GFRA1: variants seen among roughly 807,000 people sequenced by gnomAD.
GFRA1 encodes the protein GDNF family receptor alpha 1.
GFRA1 carries 16 observed loss-of-function variants against 51.6 expected under a neutral mutation model. That is an observed-to-expected ratio of 0.31 (90% CI 0.21 to 0.47). The LOEUF is 0.47. GFRA1 is among the 20% of genes least tolerant of loss of function. GFRA1 has a pLI of 1.00. For synonymous variants in GFRA1, 270 were observed against 241.3 expected (o/e 1.12, Z -1.10); for missense variants, 530 against 594.3 (o/e 0.89, Z 1.13).
At position 116,272,184 on chromosome 10, in the gene GFRA1, G is replaced by T; in HGVS notation, c.-155C>A. The T allele has an allele frequency of 1.4e-6, 1 of 723,404 alleles. No homozygotes were observed. The allele number at this position is 723,404 out of a possible 1,614,324, so 44.8% of individuals were successfully genotyped here. On this transcript the variant is annotated 5_prime_UTR_variant, in exon 2 of 11. Transcript: ENST00000355422. This position sits in a 1 kb window ranked among gnomAD's most constrained non-coding sequence, Gnocchi z 4.4. ...CATCCAGTGAAAGAGGAAACTCCGG[G>T]TCTGGCAGCAGCCACCGCCGCCGGC...
At chr10:116,249,564 T>C (rs1968144371) in intron 4 of GFRA1, among the ~76,000 whole-genome samples, 1 of 152,176 alleles carries the variant, frequency 6.6e-6, no homozygotes, top group Non-Finnish European at 1.5e-5. Context: ...GAAAGACTCC[T>C]GACAGATGTA....
At chr10:116,114,696 C>T (rs1957342231) in intron 6 of GFRA1, among the ~76,000 whole-genome samples, 1 of 152,178 alleles carries the variant, frequency 6.6e-6, no homozygotes, top group African/African-American at 2.4e-5. Flanking sequence ...ACCACACCAG[C>T]TCACAAGTTC....
At chr10:116,209,928 C>T (rs1041474428) in intron 5 of GFRA1, among the ~76,000 whole-genome samples, 2 of 152,100 alleles carry the variant, frequency 1.3e-5, no homozygotes, top group African/African-American at 4.8e-5. Flanking sequence ...AGTTCAGTTC[C>T]TTCCATTTGA....
chr10:116,247,835 G>A (rs1967992493), intron 4 of GFRA1, among the ~76,000 whole-genome samples: 1 of 152,126 alleles, frequency 6.6e-6, no homozygotes, highest in African/African-American at 2.4e-5. Flanking sequence ...GCCTCCTTGA[G>A]GGTGAAGGCT....
At chr10:116,107,069 T>G (rs1193486825) in intron 6 of GFRA1, among the ~76,000 whole-genome samples, 1 of 152,174 alleles carries the variant, frequency 6.6e-6, no homozygotes, top group East Asian at 1.9e-4. Context: ...ATGAGCCAAT[T>G]AAACCCCTTT....
At chr10:116,230,636 G>A (rs1214600631) in intron 4 of GFRA1, among the ~76,000 whole-genome samples, 2 of 151,952 alleles carry the variant, frequency 1.3e-5, no homozygotes, top group Non-Finnish European at 2.9e-5. Context: ...AGTATTTATT[G>A]AGCAACTGTT....
chr10:116,271,416 G>A (rs1362217), intron 2 of GFRA1, among the ~76,000 whole-genome samples: 1 of 151,904 alleles, frequency 6.6e-6, no homozygotes, highest in African/African-American at 2.4e-5. Context: ...CCGCCCCGGG[G>A]CATCCTGGCC....
upstream of GFRA1, among the ~76,000 whole-genome samples, chr10:116,274,599 G>C (rs898021709): frequency 1.3e-5 from 2 of 152,126 alleles, no homozygotes; most frequent in African/African-American, 4.8e-5. Context: ...ATATTGTGTG[G>C]AGTCGCCAAA....
rs1954649195 is a variant in GFRA1, at chr10:116,058,296, T to C, written c.*6102A>G. 6.6e-6 allele frequency: 1 copy of C among 152,270 alleles called. No homozygotes were observed. The highest frequency in any genetic ancestry group is 1.5e-5 in the Non-Finnish European group (1 of 68,104). The allele number at this position is 152,270 out of a possible 1,614,324, so 9.4% of individuals were successfully genotyped here. On this transcript the variant is annotated 3_prime_UTR_variant, in exon 11 of 11. Coordinates refer to ENST00000355422, the MANE Select transcript of GFRA1 (RefSeq NM_005264.8). ...GGGGTCAATGTGCACATTCGAAGTTTTGCTCCTTTGAGCACTGCTGACTGT... is the reference window on the plus strand; with the variant it reads ...GGGGTCAATGTGCACATTCGAAGTTCTGCTCCTTTGAGCACTGCTGACTGT...
At chr10:116,075,217 A>T (rs559469714) in intron 9 of GFRA1, among the ~76,000 whole-genome samples, 17 of 148,102 alleles carry the variant, frequency 1.1e-4, no homozygotes, top group African/African-American at 2.8e-4. Flanking sequence ...ATAGTGGTTT[A>T]AAAAAAAAAG....
At chr10:116,197,011 C>G (rs1292151713) in intron 5 of GFRA1, among the ~76,000 whole-genome samples, 2 of 151,202 alleles carry the variant, frequency 1.3e-5, no homozygotes, top group Non-Finnish European at 2.9e-5. Context: ...CTTCATGTGG[C>G]CTTCTCTCCA....
intron 6 of GFRA1, among the ~76,000 whole-genome samples, chr10:116,100,020 C>A (rs1956756022): frequency 6.6e-6 from 1 of 152,170 alleles, no homozygotes; most frequent in Non-Finnish European, 1.5e-5. Context: ...GATTTAAAGT[C>A]ATACATTCTG....
At chr10:116,186,675 G>A (rs1962753825) in intron 5 of GFRA1, among the ~76,000 whole-genome samples, 1 of 151,386 alleles carries the variant, frequency 6.6e-6, no homozygotes, top group African/African-American at 2.4e-5. Context: ...GGTGCTGAAT[G>A]TTCATTTTAA....
At chr10:116,210,128 TAAA>T (rs1446995021) in intron 5 of GFRA1, among the ~76,000 whole-genome samples, 1 of 152,142 alleles carries the variant, frequency 6.6e-6, no homozygotes, top group Non-Finnish European at 1.5e-5. Context: ...CATGACTGAT[TAAA>T]AAAGAAGGCA....
At chr10:116,155,429 T>C (rs1349688818) in intron 5 of GFRA1, among the ~76,000 whole-genome samples, 2 of 151,922 alleles carry the variant, frequency 1.3e-5, no homozygotes, top group African/African-American at 4.8e-5. Context: ...TGACAGAAGG[T>C]CCCAAGATGA....
intron 5 of GFRA1, among the ~76,000 whole-genome samples, chr10:116,128,808 T>C (rs1254953849): frequency 6.6e-6 from 1 of 151,582 alleles, no homozygotes; most frequent in African/African-American, 2.4e-5. Context: ...TTGTTAAAAC[T>C]ACATATGCTG....
intron 6 of GFRA1, among the ~76,000 whole-genome samples, chr10:116,097,122 T>C (rs7073541): frequency 1.2e-3 from 90 of 76,534 alleles, no homozygotes; most frequent in African/African-American, 4.4e-3. Flanking sequence ...GAAATATGCT[T>C]CTCCACACAC....
intron 9 of GFRA1, among the ~76,000 whole-genome samples, chr10:116,067,910 T>G (rs1176758849): frequency 6.6e-6 from 1 of 152,206 alleles, no homozygotes; most frequent in East Asian, 1.9e-4. Flanking sequence ...TCCAAGTCTG[T>G]GCAGTCGCCA....
intron 5 of GFRA1, among the ~76,000 whole-genome samples, chr10:116,149,582 T>C (rs555412677): frequency 1.3e-5 from 2 of 152,316 alleles, no homozygotes; most frequent in East Asian, 3.9e-4. Context: ...GATACATCAT[T>C]ACTGATGAAC....
Sources: gnomAD v4.1 joint callset for allele counts (sites outside exome capture counted in the v4.1 genomes callset) on GRCh38, gnomAD v4.1.1 for gene constraint, Gnocchi (gnomAD v3.1) non-coding constraint, MANE v1.5 for transcripts, NCBI Gene and HGNC (gene_info 2026-07-23, HGNC 2026-07-21) for gene names.